CACNA1I: variants seen among roughly 807,000 people sequenced by gnomAD.
The protein encoded by CACNA1I is calcium voltage-gated channel subunit alpha1 I.
CACNA1I carries 74 observed loss-of-function variants against 201.6 expected under a neutral mutation model. That is an observed-to-expected ratio of 0.37 (90% CI 0.30 to 0.45). The LOEUF is 0.45. Among genes scored for constraint, CACNA1I ranks in the 20% least tolerant of loss-of-function variants. CACNA1I has a pLI of 1.00. For synonymous variants in CACNA1I, 1,431 were observed against 1,345.2 expected (o/e 1.06, Z -1.40); for missense variants, 2,346 against 3,138.1 (o/e 0.75, Z 6.03).
At position 39,682,669 on chromosome 22, in the gene CACNA1I, G is replaced by T. The variant is rs752607220; in HGVS notation, c.5830+8G>T. The stretch of plus-strand genomic sequence containing the variant: ...AACATGACAGCAGTCAAGGTGAGGG[G>T]TGGGAGCCCTGCCAGCTCCCCACAG... On this transcript the variant is annotated splice_region_variant and intron_variant, in intron 35 of 36. Coordinates refer to ENST00000402142, the MANE Select transcript of CACNA1I (RefSeq NM_021096.4). 6.2e-7 allele frequency: 1 copy of T among 1,609,264 alleles called. No homozygotes were observed. Among genetic ancestry groups the T allele is most frequent in the Non-Finnish European group, 8.5e-7 (1 of 1,177,086 alleles).
In CACNA1I at chr22:39,673,996, G is replaced by A. The variant is rs1370477153; in HGVS notation, c.4817G>A (p.Arg1606Gln). Residue 1606 changes from arginine to glutamine, a missense_variant, in exon 29 of 37, where the codon CGG becomes CAG. Physicochemically the swap from Arg to Gln is conservative, Grantham distance 43. Coordinates refer to ENST00000402142, the MANE Select transcript of CACNA1I (RefSeq NM_021096.4). The stretch of plus-strand genomic sequence containing the variant: ...CTGTTGAAGATGGCCACAGGAATGC[G>A]GGCCCTGCTGGACACGGTGGTGCAA... ...LKLLKMATGM[R>Q]ALLDTVVQAL... The A allele has an allele frequency of 6.2e-7, 1 of 1,613,382 alleles. No individual in the cohort carries two copies. Among genetic ancestry groups the A allele is most frequent in the Non-Finnish European group, 8.5e-7 (1 of 1,179,858 alleles).
chr22:39,662,514 C>A, intron 17 of CACNA1I, 79 bp downstream of exon 17: 2 of 1,147,566 alleles, frequency 1.7e-6, no homozygotes, highest in South Asian at 1.7e-5. Context: ...AGGCGGGGCC[C>A]GAGCGGGCGG....
intron 1 of CACNA1I, among the ~76,000 whole-genome samples, chr22:39,589,816 T>C (rs1321575950): frequency 6.6e-6 from 1 of 152,170 alleles, no homozygotes; most frequent in African/African-American, 2.4e-5. Flanking sequence ...CCACCTTCCC[T>C]ACCTCCCCGA....
Position 39,641,147 on chromosome 22 carries a change from G to C in CACNA1I, c.1021G>C (p.Asp341His). ...ANPHKGAINFDNIGYAWIVIF... is the reference protein window; with the variant it reads ...ANPHKGAINFHNIGYAWIVIF... Reference sequence around the variant, plus strand: ...CCCCCACAAGGGTGCCATCAACTTTGACAACATCGGTTATGCTTGGATTGT... The same window carrying C: ...CCCCCACAAGGGTGCCATCAACTTTCACAACATCGGTTATGCTTGGATTGT... Residue 341 changes from aspartate to histidine, a missense_variant, in exon 6 of 37, where the codon GAC becomes CAC. By Grantham distance (81) the Asp-to-His change is moderately conservative. This residue lies in a region of CACNA1I where 227 missense variants were observed against 412.5 expected (regional missense o/e 0.55). Transcript: ENST00000402142. The C allele has an allele frequency of 6.2e-7, 1 of 1,613,874 alleles. No individual in the cohort carries two copies.
intron 1 of CACNA1I, among the ~76,000 whole-genome samples, chr22:39,592,819 C>G (rs1212039901): frequency 1.3e-5 from 2 of 152,208 alleles, no homozygotes; most frequent in African/African-American, 2.4e-5. Context: ...AGGCGTCAGG[C>G]CAGGCTGCAG....
At chr22:39,673,267 A>G (rs1258241846) in intron 28 of CACNA1I, among the ~76,000 whole-genome samples, 185 bp downstream of exon 28, 3 of 152,036 alleles carry the variant, frequency 2.0e-5, no homozygotes, top group African/African-American at 4.8e-5. Flanking sequence ...ACACACACGC[A>G]TGCACCCTCT....
rs752532645 is a variant in CACNA1I, at chr22:39,660,374, G to A, written c.2635G>A (p.Asp879Asn). The stretch of plus-strand genomic sequence containing the variant: ...CGCCAATCGCTCCTACTCGGACGAG[G>A]ACCAGAGCTCATCCAACATAGAAGA... The part of the protein sequence containing the change: ...GDANRSYSDE[D>N]QSSSNIEEFD... The change falls in exon 15 of 37, where the codon GAC (aspartate) becomes AAC (asparagine). Residue 879 changes from aspartate to asparagine, a missense_variant. Physicochemically the swap from Asp to Asn is conservative, Grantham distance 23 (BLOSUM62 1). Coordinates refer to ENST00000402142, the MANE Select transcript of CACNA1I (RefSeq NM_021096.4). 16 of 1,612,894 alleles carry A rather than the reference G, an allele frequency of 9.9e-6. No individual in the cohort carries two copies. Among genetic ancestry groups the A allele is most frequent in the South Asian group, 2.2e-5 (2 of 90,854 alleles).
At chr22:39,642,241 G>C (rs542137894) in intron 6 of CACNA1I, among the ~76,000 whole-genome samples, 1 of 151,848 alleles carries the variant, frequency 6.6e-6, no homozygotes, top group South Asian at 2.1e-4. Context: ...GGCCGCTCAG[G>C]GGGTCCCACT....
At position 39,638,078 on chromosome 22, in the gene CACNA1I, C is replaced by T. The variant is rs938943588; in HGVS notation, c.741-2789C>T. Among the ~76,000 whole-genome samples, 4 of 152,088 alleles carry T rather than the reference C, an allele frequency of 2.6e-5. No homozygotes were observed. In the East Asian group the frequency reaches 5.8e-4, roughly 22 times the overall value. ...CCTCCTGAGTAGCTGGGATTACAGA[C>T]GCATGCCACCACGCTATTAAATGGC... On this transcript the variant is annotated intron_variant, in intron 5 of 36. Coordinates refer to ENST00000402142, the MANE Select transcript of CACNA1I (RefSeq NM_021096.4).
At chr22:39,607,214 A>G (rs914720427) in intron 3 of CACNA1I, among the ~76,000 whole-genome samples, 4 of 152,152 alleles carry the variant, frequency 2.6e-5, no homozygotes, top group Admixed American at 1.3e-4. Context: ...AAGACTTCGC[A>G]AGCTTCTGAC....
chr22:39,613,970 TG>T (rs956941524), intron 3 of CACNA1I, among the ~76,000 whole-genome samples: 18 of 152,238 alleles, frequency 1.2e-4, no homozygotes, highest in African/African-American at 4.3e-4. Context: ...CTTGAGTAGC[TG>T]GGATTACAGG....
rs1248440331 is a variant in CACNA1I, at chr22:39,648,161, A to T, written c.1567+235A>T. On this transcript the variant is annotated intron_variant, in intron 9 of 36. Coordinates refer to ENST00000402142, the MANE Select transcript of CACNA1I (RefSeq NM_021096.4). This position sits in a 1 kb window ranked among gnomAD's most constrained non-coding sequence, Gnocchi z 5.4. ...AAAGCCCTGTCCTTCCAGCTCTCAC[A>T]GTCTGGGAATCGATTCTTGGGAGGC... Among the ~76,000 whole-genome samples the T allele has an allele frequency of 6.6e-6, 1 of 151,960 alleles. No individual in the cohort carries two copies. Among genetic ancestry groups the T allele is most frequent in the East Asian group, 1.9e-4 (1 of 5,150 alleles).
chr22:39,627,702 T>C (rs1327373007), intron 4 of CACNA1I, among the ~76,000 whole-genome samples: 1 of 152,194 alleles, frequency 6.6e-6, no homozygotes, highest in African/African-American at 2.4e-5. Context: ...GAAGCATGTG[T>C]TTACTCTCGG....
Position 39,646,640 on chromosome 22 carries a change from G to A in CACNA1I, c.1221G>A (p.Arg407=). ...IATQFSETKQ[R]EHRLMLEQRQ... is the part of the protein sequence containing the mutation. ...CCCAGTTCTCGGAGACCAAGCAACG[G>A]GAGCACCGGCTGATGCTGGAGCAGC... The change falls in exon 8 of 37, where the codon CGG becomes CGA. Residue 407 remains arginine (R), a synonymous_variant. Transcript: ENST00000402142. 4 of 1,574,096 alleles carry A rather than the reference G, an allele frequency of 2.5e-6. No individual in the cohort carries two copies. Among genetic ancestry groups the A allele is most frequent in the Non-Finnish European group, 3.4e-6 (4 of 1,160,146 alleles).
chr22:39,604,242 A>G (rs1056362580), intron 3 of CACNA1I, among the ~76,000 whole-genome samples: 4 of 152,130 alleles, frequency 2.6e-5, no homozygotes, highest in African/African-American at 9.7e-5. Flanking sequence ...CTGTCTGCTC[A>G]TATTTATAAA....
intron 19 of CACNA1I, 104 bp from the exon 20 acceptor site, chr22:39,663,987 A>G (rs1453386372): frequency 6.6e-7 from 1 of 1,507,906 alleles, no homozygotes; most frequent in Non-Finnish European, 9.2e-7. Flanking sequence ...GTGAACTGAG[A>G]GGTGGCAGCC....
At position 39,677,484 on chromosome 22, in the gene CACNA1I, G is replaced by T. The variant is rs1029834617; in HGVS notation, c.4933+65G>T. The stretch of plus-strand genomic sequence containing the variant: ...CAGGGCTGCAGGAGGAACTGGGGGG[G>T]CGGGGGAGGCCTGAGACCCCTGAGC... On this transcript the variant is annotated intron_variant, in intron 30 of 36. Transcript: ENST00000402142. This position sits in a 1 kb window ranked among gnomAD's most constrained non-coding sequence, Gnocchi z 4.8. 1.5e-4 allele frequency: 174 copies of T among 1,178,380 alleles called. No homozygotes were observed. Among genetic ancestry groups the T allele is most frequent in the Admixed American group, 2.2e-4 (9 of 40,212 alleles). 73.0% of individuals were successfully genotyped at this position (1,178,380 alleles called of 1,614,324 possible). A position where few individuals can be genotyped will look rare whatever the true frequency, so the allele number is the denominator to read the frequency against.
chr22:39,684,700 C>T lies in CACNA1I; in HGVS notation c.6027+202C>T. 1.6e-6 allele frequency: 1 copy of T among 622,974 alleles called. No homozygotes were observed. 38.6% of individuals were successfully genotyped at this position (622,974 alleles called of 1,614,324 possible). On this transcript the variant is annotated intron_variant, in intron 36 of 36. Coordinates refer to ENST00000402142, the MANE Select transcript of CACNA1I (RefSeq NM_021096.4). This position sits in a 1 kb window ranked among gnomAD's most constrained non-coding sequence, Gnocchi z 4.6. The stretch of plus-strand genomic sequence containing the variant: ...ACTGGGGCGGATGGAGTGGGCGGGG[C>T]TGGGTCCTGGGGACAGCAGAGTGTG...
chr22:39,637,009 A>G (rs1216787666), intron 5 of CACNA1I, among the ~76,000 whole-genome samples: 1 of 152,230 alleles, frequency 6.6e-6, no homozygotes, highest in African/African-American at 2.4e-5. Flanking sequence ...CAGGGCCAAC[A>G]GCAAGGCTTC....
Sources: gnomAD v4.1 joint callset for allele counts (sites outside exome capture counted in the v4.1 genomes callset) on GRCh38, gnomAD v4.1.1 for gene constraint, gnomAD v4.1.1 regional missense constraint, Gnocchi (gnomAD v3.1) non-coding constraint, MANE v1.5 for transcripts, NCBI Gene and HGNC (gene_info 2026-07-23, HGNC 2026-07-21) for gene names.